Variants in HECW2 observed in about 807,000 individuals in gnomAD.
HECW2 encodes the protein HECT, C2 and WW domain containing E3 ubiquitin protein ligase 2, also known as E3 ubiquitin-protein ligase HECW2.
In HECW2, 61 loss-of-function variants were observed where a neutral mutation model predicts 175.2. That is an observed-to-expected ratio of 0.35 (90% CI 0.28 to 0.43). The LOEUF (loss-of-function observed/expected upper bound fraction) is 0.43. HECW2 is among the 20% of genes least tolerant of loss of function. The pLI is 1.00. For missense variants in HECW2, 1,524 were observed against 2,000.5 expected (o/e 0.76, Z 4.54); for synonymous variants, 671 against 731.0 (o/e 0.92, Z 1.32).
intron 1 of HECW2, among the ~76,000 whole-genome samples, chr2:196,514,641 C>G (rs1481528738): frequency 6.6e-6 from 1 of 152,176 alleles, no homozygotes. Context: ...CATAAAAAAT[C>G]TGAGACTCAC....
At chr2:196,238,990 G>A (rs1688354216) in intron 21 of HECW2, 1 of 152,228 alleles carries the variant, frequency 6.6e-6, no homozygotes, top group African/African-American at 2.4e-5. Context: ...GAGTTCTGGG[G>A]GAGGAAAAGT....
intron 4 of HECW2, 106 bp from the exon 5 acceptor site, chr2:196,329,756 G>A (rs1408479055): frequency 6.9e-6 from 6 of 870,760 alleles, no homozygotes; most frequent in Middle Eastern, 2.2e-4. Flanking sequence ...TGCATCAAAC[G>A]GGTATTGTAT....
At chr2:196,264,910 A>G (rs1689449819) in intron 17 of HECW2, among the ~76,000 whole-genome samples, 1 of 152,182 alleles carries the variant, frequency 6.6e-6, no homozygotes, top group South Asian at 2.1e-4. Flanking sequence ...GAAAGTCTCT[A>G]ATCTCTTAAT....
chr2:196,496,913 C>T (rs1189147232), intron 1 of HECW2, among the ~76,000 whole-genome samples: 1 of 152,058 alleles, frequency 6.6e-6, no homozygotes, highest in Non-Finnish European at 1.5e-5. Flanking sequence ...TAATGAGTAC[C>T]TAGCATTTGC....
intron 1 of HECW2, among the ~76,000 whole-genome samples, chr2:196,546,006 T>C (rs1022929298): frequency 1.3e-5 from 2 of 152,216 alleles, no homozygotes; most frequent in South Asian, 2.1e-4. Flanking sequence ...TTTTCAATTA[T>C]GGAGAACACA....
intron 14 of HECW2, among the ~76,000 whole-genome samples, chr2:196,284,905 A>G (rs1690326249): frequency 6.6e-6 from 1 of 152,236 alleles, no homozygotes; most frequent in African/African-American, 2.4e-5. Flanking sequence ...GCTACTAGCA[A>G]AGCAAATTTT....
intron 1 of HECW2, among the ~76,000 whole-genome samples, chr2:196,542,753 A>G (rs1318113248): frequency 6.6e-6 from 1 of 151,130 alleles, no homozygotes; most frequent in Non-Finnish European, 1.5e-5. Context: ...ACAAAGATAT[A>G]TATGTGCATA....
chr2:196,479,839 G>GAAGA (rs1228248087), intron 1 of HECW2, among the ~76,000 whole-genome samples: 1 of 152,102 alleles, frequency 6.6e-6, no homozygotes, highest in Non-Finnish European at 1.5e-5. Context: ...CCTCTTGCCT[G>GAAGA]AAGAACTCTT....
chr2:196,437,368 T>C (rs1013010172), intron 1 of HECW2, among the ~76,000 whole-genome samples: 1 of 151,636 alleles, frequency 6.6e-6, no homozygotes, highest in Non-Finnish European at 1.5e-5. Flanking sequence ...TCCCAGCACT[T>C]TGGGAGGCTG....
intron 2 of HECW2, among the ~76,000 whole-genome samples, chr2:196,409,940 A>G (rs1695064668): frequency 6.6e-6 from 1 of 152,230 alleles, no homozygotes; most frequent in Non-Finnish European, 1.5e-5. Flanking sequence ...AATCATAAAA[A>G]GATTTGCTAA....
intron 1 of HECW2, among the ~76,000 whole-genome samples, chr2:196,465,540 AGG>A (rs1328379755): frequency 1.3e-5 from 2 of 151,988 alleles, no homozygotes; most frequent in African/African-American, 4.8e-5. Flanking sequence ...GGTGCTCTTG[AGG>A]TAAAGTCACC....
intron 23 of HECW2, 30 bp from the exon 24 acceptor site, chr2:196,222,370 T>G: frequency 6.2e-7 from 1 of 1,607,566 alleles, no homozygotes; most frequent in Non-Finnish European, 8.5e-7. Context: ...GAAACAAATA[T>G]GTAGGCATGG....
chr2:196,495,424 A>T (rs2125394005), intron 1 of HECW2, among the ~76,000 whole-genome samples: 1 of 152,314 alleles, frequency 6.6e-6, no homozygotes, highest in African/African-American at 2.4e-5. Flanking sequence ...TGAGATATGT[A>T]ACATAAAAAT....
At chr2:196,460,717 C>T (rs902545384) in intron 1 of HECW2, among the ~76,000 whole-genome samples, 1 of 151,590 alleles carries the variant, frequency 6.6e-6, no homozygotes, top group Non-Finnish European at 1.5e-5. Context: ...CTCAAATGAT[C>T]CTCCCACCTC....
At chr2:196,306,746 C>T in intron 12 of HECW2, 134 bp from the exon 13 acceptor site, 2 of 885,806 alleles carry the variant, frequency 2.3e-6, no homozygotes, top group South Asian at 2.3e-5. Flanking sequence ...TCCCCCAATG[C>T]TTTTTTCTTT....
intron 2 of HECW2, among the ~76,000 whole-genome samples, chr2:196,411,757 T>C (rs1483194918): frequency 2.0e-5 from 3 of 152,250 alleles, no homozygotes; most frequent in African/African-American, 7.2e-5. Context: ...ACGCCTGTAA[T>C]CCTAGCACTT....
At chr2:196,532,601 C>T (rs946826361) in intron 1 of HECW2, among the ~76,000 whole-genome samples, 1 of 151,946 alleles carries the variant, frequency 6.6e-6, no homozygotes, top group Non-Finnish European at 1.5e-5. Context: ...ACATTCTGCA[C>T]ATGTAGCCCA....
At chr2:196,573,112 A>G (rs1690442448) in intron 1 of HECW2, among the ~76,000 whole-genome samples, 1 of 152,200 alleles carries the variant, frequency 6.6e-6, no homozygotes, top group Non-Finnish European at 1.5e-5. Context: ...AGATCTAAAA[A>G]AGAAAACAAT....
chr2:196,319,795 C>T lies in HECW2; in HGVS notation c.1095G>A (p.Gln365=). 1 of 1,614,186 alleles carries T rather than the reference C, an allele frequency of 6.2e-7. No homozygotes were observed. Among genetic ancestry groups the T allele is most frequent in the Non-Finnish European group, 8.5e-7 (1 of 1,180,028 alleles). Residue 365 remains glutamine (Q), a synonymous_variant, in exon 9 of 29, where the codon CAG becomes CAA. Coordinates refer to ENST00000644978, the MANE Select transcript of HECW2 (RefSeq NM_001348768.2). The part of the protein sequence containing the change: ...EDMPGSHHDS[Q]VCSNGPVSED... ...CAGAAACTGGCCCATTAGAGCACAC[C>T]TGGCTGTCGTGATGGCTCCCTGGCA...
Sources: allele counts gnomAD v4.1 joint callset (sites outside exome capture counted in the v4.1 genomes callset), GRCh38; gene constraint gnomAD v4.1.1; transcripts MANE v1.5; gene names NCBI Gene and HGNC (gene_info 2026-07-23, HGNC 2026-07-21).